CTNND2: variants seen among roughly 807,000 people sequenced by gnomAD.
The protein encoded by CTNND2 is catenin delta 2.
In CTNND2, 22 loss-of-function variants were observed where a neutral mutation model predicts 144.4. The ratio of observed to expected loss-of-function variants is 0.15; its 90% CI spans 0.11 to 0.22. The LOEUF is 0.22. CTNND2 is among the 10% of genes least tolerant of loss of function. The pLI is 1.00. For missense variants in CTNND2, 1,353 were observed against 1,618.8 expected, an observed-to-expected ratio of 0.84 and a Z score of 2.82; for synonymous variants, 751 against 695.6, an observed-to-expected ratio of 1.08 and a Z score of -1.25.
chr5:11,431,745 C>A (rs1763305741), intron 3 of CTNND2, among the ~76,000 whole-genome samples: 2 of 152,032 alleles, frequency 1.3e-5, no homozygotes, highest in Non-Finnish European at 2.9e-5. Context: ...TCAGTTATTG[C>A]CATATGGAGT....
chr5:11,035,667 GTGTC>G (rs1443419544), intron 16 of CTNND2, among the ~76,000 whole-genome samples: 1 of 152,212 alleles, frequency 6.6e-6, no homozygotes, highest in Admixed American at 6.5e-5. Flanking sequence ...TAATATGAAT[GTGTC>G]TGTAAGATAA....
rs78160326 is a variant in CTNND2 at position 11,617,489 on chromosome 5, A to G, written c.175-52433T>C. On this transcript the variant is annotated intron_variant, in intron 2 of 21. Coordinates refer to ENST00000304623, the MANE Select transcript of CTNND2 (RefSeq NM_001332.4). ...TCATCATATATTAACTATGTATACT[A>G]TAACAGGTACACACATTAGAAGTTT... is the stretch of plus-strand genomic sequence containing the variant. 6.1e-3 allele frequency among the ~76,000 whole-genome samples: 926 copies of G among 152,338 alleles called. 8 individuals carry two copies. The highest frequency in any genetic ancestry group is 0.021 in the African/African-American group (863 of 41,572).
intron 12 of CTNND2, among the ~76,000 whole-genome samples, chr5:11,141,445 C>T (rs996641054): frequency 5.3e-5 from 8 of 152,004 alleles, no homozygotes; most frequent in Non-Finnish European, 1.5e-5. Flanking sequence ...ATAAAGGAGC[C>T]AAAGCTAAAA....
chr5:11,545,122 A>C (rs1387195279), intron 3 of CTNND2, among the ~76,000 whole-genome samples: 36 of 136,736 alleles, frequency 2.6e-4, no homozygotes, highest in Middle Eastern at 4.0e-3. Flanking sequence ...CTCCGTCTCA[A>C]AAAAAAAAAA....
intron 9 of CTNND2, among the ~76,000 whole-genome samples, chr5:11,322,108 C>T (rs1752092606): frequency 1.3e-5 from 2 of 152,178 alleles, no homozygotes; most frequent in African/African-American, 4.8e-5. Context: ...ACGCATCATA[C>T]TCTTTCTTTT....
chr5:10,977,157 G>T (rs1341497779), intron 21 of CTNND2, among the ~76,000 whole-genome samples: 1 of 152,206 alleles, frequency 6.6e-6, no homozygotes, highest in South Asian at 2.1e-4. Flanking sequence ...TTCCTGGCTG[G>T]GGGACTGAAG....
At chr5:11,586,545 A>G (rs1778874101) in intron 2 of CTNND2, among the ~76,000 whole-genome samples, 1 of 152,236 alleles carries the variant, frequency 6.6e-6, no homozygotes, top group Non-Finnish European at 1.5e-5. Context: ...CTTTGTTCCC[A>G]CACCATTCCA....
At chr5:11,561,161 C>T (rs543111782) in intron 3 of CTNND2, among the ~76,000 whole-genome samples, 1 of 152,258 alleles carries the variant, frequency 6.6e-6, no homozygotes, top group South Asian at 2.1e-4. Flanking sequence ...TGGCTACTAC[C>T]AAGAGGGACT....
intron 9 of CTNND2, among the ~76,000 whole-genome samples, chr5:11,280,865 C>T (rs574092238): frequency 1.1e-3 from 165 of 152,252 alleles, no homozygotes; most frequent in African/African-American, 3.8e-3. Flanking sequence ...CCCACAGACC[C>T]CTCCTCAGCT....
chr5:11,844,671 A>C (rs564475638), intron 1 of CTNND2, among the ~76,000 whole-genome samples: 45 of 151,952 alleles, frequency 3.0e-4, no homozygotes, highest in Admixed American at 7.9e-4. Context: ...TTTAATTTGA[A>C]CTCTTTTATA....
At chr5:11,787,917 AT>A (rs1790919849) in intron 1 of CTNND2, among the ~76,000 whole-genome samples, 1 of 152,246 alleles carries the variant, frequency 6.6e-6, no homozygotes, top group Non-Finnish European at 1.5e-5. Context: ...GATCCTATAA[AT>A]TAGTAACACT....
At chr5:11,436,402 A>C (rs1763779207) in intron 3 of CTNND2, among the ~76,000 whole-genome samples, 1 of 152,238 alleles carries the variant, frequency 6.6e-6, no homozygotes, top group South Asian at 2.1e-4. Context: ...CTGATGTATA[A>C]GGTCACAACT....
chr5:11,789,927 G>A (rs932901337), intron 1 of CTNND2, among the ~76,000 whole-genome samples: 5 of 152,094 alleles, frequency 3.3e-5, no homozygotes, highest in South Asian at 2.1e-4. Flanking sequence ...GGTATTACAC[G>A]TTATCAAATG....
intron 9 of CTNND2, among the ~76,000 whole-genome samples, chr5:11,287,842 C>T (rs1747907143): frequency 1.3e-5 from 2 of 152,036 alleles, no homozygotes; most frequent in Admixed American, 1.3e-4. Flanking sequence ...GGACCAGTTC[C>T]AAAAAACTAC....
At chr5:11,063,951 G>T (rs1467143061) in intron 16 of CTNND2, among the ~76,000 whole-genome samples, 1 of 152,148 alleles carries the variant, frequency 6.6e-6, no homozygotes, top group Non-Finnish European at 1.5e-5. Context: ...CCTCCAGCCT[G>T]TGTGTGGTCA....
intron 5 of CTNND2, 100 bp from the exon 6 acceptor site, chr5:11,397,303 T>A (rs1760237782): frequency 7.4e-6 from 7 of 943,560 alleles, no homozygotes; most frequent in Middle Eastern, 2.7e-4. Context: ...CTCATGCACA[T>A]GATTCCAGCC....
intron 3 of CTNND2, among the ~76,000 whole-genome samples, chr5:11,472,225 ATTC>A (rs1301545458): frequency 6.6e-6 from 1 of 152,150 alleles, no homozygotes; most frequent in Admixed American, 6.5e-5. Context: ...ACTGTTGTAA[ATTC>A]TTCTTTTATA....
intron 1 of CTNND2, among the ~76,000 whole-genome samples, chr5:11,788,646 T>C (rs1790968156): frequency 6.6e-6 from 1 of 152,178 alleles, no homozygotes; most frequent in African/African-American, 2.4e-5. Context: ...ACAAGCACAG[T>C]GCTCATGCAT....
intron 9 of CTNND2, among the ~76,000 whole-genome samples, chr5:11,261,876 G>A (rs905040492): frequency 2.0e-5 from 3 of 152,160 alleles, no homozygotes; most frequent in Admixed American, 6.5e-5. Flanking sequence ...GTGATACACC[G>A]TGAAACAACT....
Sources: gnomAD v4.1 joint callset for allele counts (sites outside exome capture counted in the v4.1 genomes callset) on GRCh38, gnomAD v4.1.1 for gene constraint, MANE v1.5 for transcripts, NCBI Gene and HGNC (gene_info 2026-07-23, HGNC 2026-07-21) for gene names.